Variants in RPH3A observed in about 807,000 individuals in gnomAD.
RPH3A encodes the protein rabphilin 3A.
Under a neutral mutation model 102.2 loss-of-function variants are expected in RPH3A, and 48 were observed. The observed-to-expected ratio is 0.47, with a 90% CI of 0.37 to 0.60. RPH3A has a LOEUF of 0.60. Ranked by LOEUF, RPH3A falls within the 20% of genes least tolerant of loss-of-function variation. The probability of loss-of-function intolerance (pLI) is 0.00; values close to 1 mark genes in which losing one functional copy is unlikely to be tolerated. For missense variants in RPH3A, 781 were observed against 910.1 expected (o/e 0.86, Z 1.83); for synonymous variants, 310 against 324.3 (o/e 0.96, Z 0.47).
chr12:112,750,343 A>G (rs2040778426), intron 1 of RPH3A, among the ~76,000 whole-genome samples: 1 of 152,148 alleles, frequency 6.6e-6, no homozygotes, highest in Non-Finnish European at 1.5e-5. Flanking sequence ...GGACATGAGA[A>G]AGTAAGAGAA....
At chr12:112,605,812 C>T (rs1260975889) in intron 1 of RPH3A, among the ~76,000 whole-genome samples, 2 of 152,228 alleles carry the variant, frequency 1.3e-5, no homozygotes, top group Non-Finnish European at 2.9e-5. Context: ...AGGCAGTGGG[C>T]TCTGAGTGAA....
intron 1 of RPH3A, among the ~76,000 whole-genome samples, chr12:112,664,953 G>A (rs2040074591): frequency 6.6e-6 from 1 of 151,882 alleles, no homozygotes; most frequent in Non-Finnish European, 1.5e-5. Context: ...GCGGGGGTGG[G>A]GGGGATAAGA....
At chr12:112,892,720 G>T (rs2043119992) in intron 19 of RPH3A, 1 of 152,160 alleles carries the variant, frequency 6.6e-6, no homozygotes, top group African/African-American at 2.4e-5. Context: ...CACAGTAAAT[G>T]CTAATAAATA....
At chr12:112,604,122 T>C (rs1378524085) in intron 1 of RPH3A, among the ~76,000 whole-genome samples, 2 of 152,004 alleles carry the variant, frequency 1.3e-5, no homozygotes, top group African/African-American at 2.4e-5. Flanking sequence ...TTCAGAGAGG[T>C]TAAGTGATTT....
intron 1 of RPH3A, among the ~76,000 whole-genome samples, chr12:112,628,857 C>A (rs1034356075): frequency 6.6e-6 from 1 of 152,016 alleles, no homozygotes. Context: ...GGGGAACTTG[C>A]AGCAGTGGGT....
chr12:112,694,679 CACACAG>C (rs1308815687), intron 1 of RPH3A, among the ~76,000 whole-genome samples: 4,830 of 143,478 alleles, frequency 0.034, 101 homozygotes, highest in African/African-American at 0.069. Flanking sequence ...CACACACACA[CACACAG>C]AGAGAGAGAG....
chr12:112,875,581 G>A, intron 11 of RPH3A, 98 bp from the exon 12 acceptor site: 1 of 1,031,152 alleles, frequency 9.7e-7, no homozygotes, highest in Non-Finnish European at 1.5e-6. Context: ...CTGCCTTCGG[G>A]CCTGTGTCCA....
chr12:112,653,299 G>A (rs762868672), intron 1 of RPH3A, among the ~76,000 whole-genome samples: 1 of 151,224 alleles, frequency 6.6e-6, no homozygotes, highest in African/African-American at 2.4e-5. Context: ...GAACCCGGGA[G>A]GCAGAGATTG....
chr12:112,820,704 G>T (rs1198927374), intron 2 of RPH3A, among the ~76,000 whole-genome samples: 1 of 152,192 alleles, frequency 6.6e-6, no homozygotes, highest in African/African-American at 2.4e-5. Flanking sequence ...TTATGTATCT[G>T]CCCAAGGCCA....
At chr12:112,796,599 G>A (rs12321233) in intron 2 of RPH3A, among the ~76,000 whole-genome samples, 1,647 of 152,338 alleles carry the variant, frequency 0.011, 38 homozygotes, top group African/African-American at 0.034. Context: ...GTTGGTGAAA[G>A]GTTTGAAAGG....
intron 1 of RPH3A, among the ~76,000 whole-genome samples, chr12:112,661,272 G>A (rs1484979588): frequency 6.6e-6 from 1 of 152,132 alleles, no homozygotes; most frequent in Non-Finnish European, 1.5e-5. Flanking sequence ...GTGCAAAATA[G>A]AAGTGTGGGA....
intron 1 of RPH3A, among the ~76,000 whole-genome samples, chr12:112,581,450 G>T (rs2039400392): frequency 6.6e-6 from 1 of 152,156 alleles, no homozygotes; most frequent in Non-Finnish European, 1.5e-5. Flanking sequence ...TTAAGATTTG[G>T]GTGGGGACAC....
chr12:112,820,440 G>C (rs949255714), intron 2 of RPH3A, among the ~76,000 whole-genome samples: 5 of 152,184 alleles, frequency 3.3e-5, no homozygotes, highest in African/African-American at 9.7e-5. Context: ...GATCCTGTAG[G>C]TACAAATCCC....
At chr12:112,894,550 C>A in intron 19 of RPH3A, 28 bp from the exon 20 acceptor site, 1 of 1,607,106 alleles carries the variant, frequency 6.2e-7, no homozygotes, top group African/African-American at 1.3e-5. Context: ...AAACGTCATC[C>A]ATAATAGCAT....
chr12:112,712,883 TTC>T (rs2040473412), intron 1 of RPH3A, among the ~76,000 whole-genome samples: 1 of 130,758 alleles, frequency 7.6e-6, no homozygotes, highest in African/African-American at 3.6e-5. Context: ...CTTTTTTTTC[TTC>T]TTCTTCTTCT....
chr12:112,712,966 TCTTCTTC>T (rs2040480928), intron 1 of RPH3A, among the ~76,000 whole-genome samples: 1 of 104,486 alleles, frequency 9.6e-6, no homozygotes, highest in African/African-American at 3.1e-5. Context: ...TCTTCTTCTT[TCTTCTTC>T]TTTCTTCTTC....
intron 13 of RPH3A, among the ~76,000 whole-genome samples, chr12:112,877,848 C>T (rs1475320062): frequency 6.6e-6 from 1 of 152,230 alleles, no homozygotes; most frequent in Non-Finnish European, 1.5e-5. Context: ...AAAGTCCACA[C>T]GTGTTGGGCA....
chr12:112,875,929 AAC>A (rs2136236406), intron 12 of RPH3A, among the ~76,000 whole-genome samples, 188 bp downstream of exon 12: 1 of 152,338 alleles, frequency 6.6e-6, no homozygotes, highest in South Asian at 2.1e-4. Context: ...TAGAAATGCC[AAC>A]ACATATAGTT....
intron 14 of RPH3A, 134 bp downstream of exon 14, chr12:112,879,332 G>A (rs1269711532): frequency 1.2e-6 from 1 of 800,526 alleles, no homozygotes; most frequent in Non-Finnish European, 1.9e-6. Context: ...GATGAGAAGA[G>A]TCACAGTAAT....
Sources: gnomAD v4.1 joint callset for allele counts (sites outside exome capture counted in the v4.1 genomes callset) on GRCh38, gnomAD v4.1.1 for gene constraint, MANE v1.5 for transcripts, NCBI Gene and HGNC (gene_info 2026-07-23, HGNC 2026-07-21) for gene names.